Variants in CSMD1 observed in about 807,000 individuals in gnomAD.
CSMD1 encodes the protein CUB and sushi domain-containing protein 1.
Under a neutral mutation model 417.5 loss-of-function variants are expected in CSMD1, and 213 were observed. The ratio of observed to expected loss-of-function variants is 0.51; its 90% CI spans 0.46 to 0.57. CSMD1 has a LOEUF of 0.57. CSMD1 is among the 20% of genes least tolerant of loss of function. CSMD1 has a pLI of 0.00. For missense variants in CSMD1, 6,923 were observed against 4,529.7 expected, an observed-to-expected ratio of 1.53 and a Z score of -15.17; for synonymous variants, 2,862 against 1,736.8, an observed-to-expected ratio of 1.65 and a Z score of -16.11.
At chr8:3,162,684 A>C (rs1054759589) in intron 37 of CSMD1, among the ~76,000 whole-genome samples, 1 of 151,962 alleles carries the variant, frequency 6.6e-6, no homozygotes, top group Non-Finnish European at 1.5e-5. Context: ...ATATAAAAAA[A>C]TTATGTGTGA....
intron 5 of CSMD1, among the ~76,000 whole-genome samples, chr8:3,915,384 C>T (rs901675064): frequency 1.4e-4 from 18 of 125,730 alleles, no homozygotes; most frequent in South Asian, 2.6e-4. Flanking sequence ...CCAGCCTAGG[C>T]GTCACAGTAA....
chr8:4,623,889 T>G (rs1712382257), intron 2 of CSMD1, among the ~76,000 whole-genome samples: 1 of 152,106 alleles, frequency 6.6e-6, no homozygotes, highest in Admixed American at 6.6e-5. Context: ...GTTTTGTGGG[T>G]GATAGAAATA....
intron 3 of CSMD1, among the ~76,000 whole-genome samples, chr8:4,065,800 C>G (rs1286202558): frequency 6.6e-6 from 1 of 152,170 alleles, no homozygotes; most frequent in Non-Finnish European, 1.5e-5. Context: ...CAGAAAATAA[C>G]TGTACTGCTT....
intron 49 of CSMD1, among the ~76,000 whole-genome samples, chr8:3,082,927 T>C (rs1189026980): frequency 6.6e-6 from 1 of 152,202 alleles, no homozygotes; most frequent in Non-Finnish European, 1.5e-5. Flanking sequence ...TGTGAACATC[T>C]GCGGGAAAAA....
At chr8:3,941,827 G>C (rs1810904048) in intron 5 of CSMD1, among the ~76,000 whole-genome samples, 1 of 151,946 alleles carries the variant, frequency 6.6e-6, no homozygotes, top group Non-Finnish European at 1.5e-5. Flanking sequence ...TAAAAATATA[G>C]CGCAATTCCT....
intron 3 of CSMD1, among the ~76,000 whole-genome samples, chr8:4,156,352 T>C (rs540119115): frequency 6.6e-6 from 1 of 152,174 alleles, no homozygotes; most frequent in Non-Finnish European, 1.5e-5. Context: ...CTCTCTGGTT[T>C]TGATAAAACT....
chr8:4,029,861 G>T (rs993985943), intron 4 of CSMD1, among the ~76,000 whole-genome samples: 4 of 151,848 alleles, frequency 2.6e-5, no homozygotes, highest in African/African-American at 7.3e-5. Flanking sequence ...CACAAGAATT[G>T]GGTAAATACA....
chr8:3,240,595 G>T (rs1471912370), intron 26 of CSMD1, among the ~76,000 whole-genome samples: 2 of 152,052 alleles, frequency 1.3e-5, no homozygotes, highest in East Asian at 1.9e-4. Context: ...CGGCAGTACA[G>T]CCCGGGTAAT....
chr8:3,430,749 G>A (rs369909643), intron 12 of CSMD1, among the ~76,000 whole-genome samples: 1 of 152,174 alleles, frequency 6.6e-6, no homozygotes, highest in Non-Finnish European at 1.5e-5. Context: ...GGAGGTTGCA[G>A]TGAGCAGCGA....
intron 2 of CSMD1, among the ~76,000 whole-genome samples, chr8:4,428,289 C>T (rs1290395677): frequency 2.0e-5 from 3 of 152,152 alleles, no homozygotes; most frequent in Non-Finnish European, 4.4e-5. Flanking sequence ...CAGCTTGTAC[C>T]AAGACAACTA....
chr8:3,958,355 A>G (rs1812110028), intron 5 of CSMD1, among the ~76,000 whole-genome samples: 1 of 148,740 alleles, frequency 6.7e-6, no homozygotes, highest in Non-Finnish European at 1.5e-5. Context: ...CTCTTTGAAC[A>G]TTAACTTTTA....
intron 10 of CSMD1, among the ~76,000 whole-genome samples, chr8:3,500,901 G>A (rs73176915): frequency 0.36 from 54,625 of 152,054 alleles, 10,731 homozygotes; most frequent in Middle Eastern, 0.46. Flanking sequence ...AAGTAAGAAT[G>A]TGTCAGAGAG....
chr8:4,788,566 A>C (rs1231954247), intron 1 of CSMD1: 3 of 1,351,316 alleles, frequency 2.2e-6, no homozygotes, highest in Non-Finnish European at 3.0e-6. Flanking sequence ...CTGACAAGAA[A>C]ATCAGAGAAT....
chr8:4,401,641 C>A (rs1170328116), intron 3 of CSMD1, among the ~76,000 whole-genome samples: 1 of 152,092 alleles, frequency 6.6e-6, no homozygotes, highest in Non-Finnish European at 1.5e-5. Context: ...CTGTGTCGTA[C>A]CCGACCCTCC....
At chr8:3,176,337 T>A (rs981445883) in intron 37 of CSMD1, among the ~76,000 whole-genome samples, 1 of 151,584 alleles carries the variant, frequency 6.6e-6, no homozygotes, top group Non-Finnish European at 1.5e-5. Flanking sequence ...TCTGTGAACA[T>A]CTCTGAATGT....
intron 43 of CSMD1, among the ~76,000 whole-genome samples, chr8:3,109,446 C>T (rs949256227): frequency 6.6e-6 from 1 of 152,176 alleles, no homozygotes; most frequent in East Asian, 1.9e-4. Context: ...CTCACTCTCA[C>T]ATCCACTGAC....
intron 5 of CSMD1, among the ~76,000 whole-genome samples, chr8:3,945,049 T>A (rs1192515748): frequency 6.6e-6 from 1 of 152,298 alleles, no homozygotes; most frequent in East Asian, 1.9e-4. Flanking sequence ...GAGAGAGCTC[T>A]ATAATCCCTC....
chr8:4,258,726 A>ATG, intron 3 of CSMD1, among the ~76,000 whole-genome samples: 3 of 152,014 alleles, frequency 2.0e-5, no homozygotes, highest in Non-Finnish European at 2.9e-5. Flanking sequence ...GGGGTGGAAC[A>ATG]CAGCAATGTA....
intron 2 of CSMD1, among the ~76,000 whole-genome samples, chr8:4,510,725 C>T (rs574869951): frequency 2.1e-5 from 3 of 144,260 alleles, no homozygotes; most frequent in African/African-American, 5.2e-5. Flanking sequence ...CCTTCCCTTC[C>T]TTGCCTCCTC....
Sources: allele counts gnomAD v4.1 joint callset (sites outside exome capture counted in the v4.1 genomes callset), GRCh38; gene constraint gnomAD v4.1.1; transcripts MANE v1.5; gene names NCBI Gene and HGNC (gene_info 2026-07-23, HGNC 2026-07-21).